The following BMP3 variants were observed in gnomAD, a reference collection of about 807,000 sequenced individuals.
The protein encoded by BMP3 is bone morphogenetic protein 3.
Under a neutral mutation model 38.1 loss-of-function variants are expected in BMP3, and 23 were observed. The observed-to-expected ratio is 0.60, with a 90% confidence interval of 0.43 to 0.86. The LOEUF (loss-of-function observed/expected upper bound fraction) is 0.86, where lower values mean the gene tolerates loss of function less well. Ranked by LOEUF, BMP3 falls within the 40% of genes least tolerant of loss-of-function variation. BMP3 has a pLI of 0.00. For missense variants in BMP3, 628 were observed against 579.6 expected (o/e 1.08, Z -0.86); for synonymous variants, 258 against 225.7 (o/e 1.14, Z -1.28).
At chr4:81,038,592 T>C (rs72868593) in intron 1 of BMP3, among the ~76,000 whole-genome samples, 7,745 of 152,284 alleles carry the variant, frequency 0.051, 262 homozygotes, top group African/African-American at 0.09. Context: ...ACTATTCTAC[T>C]TCATATACAA....
chr4:81,041,462 G>T (rs187649424), intron 1 of BMP3, among the ~76,000 whole-genome samples: 3 of 152,048 alleles, frequency 2.0e-5, no homozygotes, highest in East Asian at 3.9e-4. Flanking sequence ...TTGCTTCTTG[G>T]TTTTTTTTAA....
chr4:81,048,195 A>G (rs565029489), intron 2 of BMP3, among the ~76,000 whole-genome samples: 4 of 152,160 alleles, frequency 2.6e-5, no homozygotes, highest in Non-Finnish European at 5.9e-5. Flanking sequence ...TTACTGATCA[A>G]ACAAAGTTGT....
rs565737756 is a variant in BMP3, at chr4:81,032,263, A to G, written c.316+663A>G. On this transcript the variant is annotated intron_variant, in intron 1 of 2. Coordinates refer to ENST00000282701, the MANE Select transcript of BMP3 (RefSeq NM_001201.5). ...CGATTATTAAAACGCATCTGGGTAAACAGGGGTTGTACCATCCATCCTGGG... is the reference window on the plus strand; with the variant it reads ...CGATTATTAAAACGCATCTGGGTAAGCAGGGGTTGTACCATCCATCCTGGG... Among the ~76,000 whole-genome samples, 3 of 146,846 alleles carry G rather than the reference A, an allele frequency of 2.0e-5. 1 individual carries two copies. In the South Asian group the frequency reaches 6.6e-4, roughly 32 times the overall value.
rs748309487 is a variant in BMP3, at chr4:81,046,640, A to G, written c.1219A>G (p.Met407Val). 11 of 1,610,006 alleles carry G rather than the reference A, an allele frequency of 6.8e-6. No individual in the cohort carries two copies. Among genetic ancestry groups the G allele is most frequent in the Middle Eastern group, 1.7e-4 (1 of 6,024 alleles). ...YYCSGACQFP[M>V]PKSLKPSNHA... ...TTGCTCTGGAGCATGCCAGTTCCCC[A>G]TGCCAAAGGTAGCCATTGTTCTCTG... Residue 407 changes from methionine to valine, a missense_variant, in exon 2 of 3, where the codon ATG (methionine) becomes GTG (valine). Physicochemically the swap from Met to Val is conservative, Grantham distance 21 (BLOSUM62 1). Coordinates refer to ENST00000282701, the MANE Select transcript of BMP3 (RefSeq NM_001201.5).
At chr4:81,036,660 TA>T (rs1397215999) in intron 1 of BMP3, among the ~76,000 whole-genome samples, 5 of 152,036 alleles carry the variant, frequency 3.3e-5, no homozygotes, top group African/African-American at 4.8e-5. Flanking sequence ...ATAGAATTTG[TA>T]ATAGAAATAT....
chr4:81,031,193 A>C lies in BMP3; in HGVS notation c.-92A>C. On this transcript the variant is annotated 5_prime_UTR_variant, in exon 1 of 3. Coordinates refer to ENST00000282701, the MANE Select transcript of BMP3 (RefSeq NM_001201.5). ...TGCGCCCTCGCCCCAGCTGGTTTGGAGTTCAACCCTCGGCTCCGCCGCCGG... is the reference window on the plus strand; with the variant it reads ...TGCGCCCTCGCCCCAGCTGGTTTGGCGTTCAACCCTCGGCTCCGCCGCCGG... 3.0e-6 allele frequency: 4 copies of C among 1,351,830 alleles called. No individual in the cohort carries two copies. The highest frequency in any genetic ancestry group is 2.8e-5 in the Admixed American group (1 of 35,812). The allele number at this position is 1,351,830 out of a possible 1,614,324, so 83.7% of individuals were successfully genotyped here. A position where few individuals can be genotyped will look rare whatever the true frequency, so the allele number is the denominator to read the frequency against.
intron 1 of BMP3, among the ~76,000 whole-genome samples, chr4:81,031,872 GA>G (rs1248339788): frequency 6.6e-6 from 1 of 152,096 alleles, no homozygotes; most frequent in South Asian, 2.1e-4. Context: ...GAGCTTCGTG[GA>G]AAAAGGGAAG....
At chr4:81,043,128 T>C (rs1362204937) in intron 1 of BMP3, among the ~76,000 whole-genome samples, 1 of 152,252 alleles carries the variant, frequency 6.6e-6, no homozygotes, top group Admixed American at 6.5e-5. Flanking sequence ...TACTGAAACA[T>C]GTTTTTGATC....
At chr4:81,042,339 C>T (rs1495635) in intron 1 of BMP3, among the ~76,000 whole-genome samples, 152,150 of 152,338 alleles carry the variant, frequency 1, 75,982 homozygotes, top group Non-Finnish European at 1. Context: ...TTTCTGTGTG[C>T]TTTATGTGCC....
In BMP3 at chr4:81,030,765, A is replaced by C. The variant is rs1469787946; in HGVS notation, c.-520A>C. On this transcript the variant is annotated 5_prime_UTR_variant, in exon 1 of 3. Transcript: ENST00000282701. ...CACGCGCGCGCGCGCGCGCACACAC[A>C]CACACACGTACACTAAAAAACTCGG... Among the ~76,000 whole-genome samples, 1 of 151,636 alleles carries C rather than the reference A, an allele frequency of 6.6e-6. No homozygotes were observed. Among genetic ancestry groups the C allele is most frequent in the Non-Finnish European group, 1.5e-5 (1 of 67,880 alleles).
intron 1 of BMP3, among the ~76,000 whole-genome samples, chr4:81,035,958 C>A (rs1482730647): frequency 6.6e-6 from 1 of 151,954 alleles, no homozygotes; most frequent in Non-Finnish European, 1.5e-5. Flanking sequence ...TTTTTCATTT[C>A]CCATGCAGTA....
chr4:81,031,660 C>T (rs539661509), intron 1 of BMP3, 60 bp downstream of exon 1: 17 of 1,473,702 alleles, frequency 1.2e-5, no homozygotes, highest in Non-Finnish European at 1.3e-5. Flanking sequence ...TCCCGGGACC[C>T]CCCACAGCTT....
In BMP3 at chr4:81,054,197, T is replaced by A. The variant is rs1740484323; in HGVS notation, c.*661T>A. On this transcript the variant is annotated 3_prime_UTR_variant, in exon 3 of 3. Coordinates refer to ENST00000282701, the MANE Select transcript of BMP3 (RefSeq NM_001201.5). ...CACAGGATTCTTTATTTTTTTTAATTTTGTATTTTGGCAAACACCATTCAG... is the reference window on the plus strand; with the variant it reads ...CACAGGATTCTTTATTTTTTTTAATATTGTATTTTGGCAAACACCATTCAG... 1 of 152,596 alleles carries A rather than the reference T, an allele frequency of 6.6e-6. No individual in the cohort carries two copies. The highest frequency in any genetic ancestry group is 2.4e-5 in the African/African-American group (1 of 41,420). 9.5% of individuals were successfully genotyped at this position (152,596 alleles called of 1,614,324 possible).
rs115645770 is a variant in BMP3, at chr4:81,051,609, T to G, written c.1228-1736T>G. 9.7e-4 allele frequency among the ~76,000 whole-genome samples: 147 copies of G among 152,294 alleles called. 1 individual carries two copies. Among genetic ancestry groups the G allele is most frequent in the African/African-American group, 3.3e-3 (138 of 41,560 alleles). ...AAGTGGATGGCTGCAAAAGCTTTCT[T>G]TAGAAATTACCAATAGCAATAACAA... is the stretch of plus-strand genomic sequence containing the variant. On this transcript the variant is annotated intron_variant, in intron 2 of 2. Transcript: ENST00000282701.
At chr4:81,044,941 T>C (rs12642476) in intron 1 of BMP3, among the ~76,000 whole-genome samples, 93,918 of 152,110 alleles carry the variant, frequency 0.62, 33,979 homozygotes, top group East Asian at 0.81. Context: ...ATGTAATTAT[T>C]TGAGTGCCTG....
intron 1 of BMP3, among the ~76,000 whole-genome samples, chr4:81,039,833 C>T (rs1442248254): frequency 6.6e-6 from 1 of 152,068 alleles, no homozygotes. Flanking sequence ...TAATTTAGAG[C>T]CTTGTCTTTA....
At position 81,035,135 on chromosome 4, in the gene BMP3, A is replaced by G. The variant is rs556405091; in HGVS notation, c.316+3535A>G. Among the ~76,000 whole-genome samples, 165 of 151,084 alleles carry G rather than the reference A, an allele frequency of 1.1e-3. 1 individual carries two copies. The highest frequency in any genetic ancestry group is 1.9e-3 in the Non-Finnish European group (131 of 67,952). The stretch of plus-strand genomic sequence containing the variant: ...AATTACACACTACTCTGAATACATG[A>G]TAGCCTTTAATGAAGTTTTTACTGT... On this transcript the variant is annotated intron_variant, in intron 1 of 2. Coordinates refer to ENST00000282701, the MANE Select transcript of BMP3 (RefSeq NM_001201.5).
chr4:81,053,553 T>A lies in BMP3; in HGVS notation c.*17T>A, dbSNP rs750673028. 1 of 1,417,304 alleles carries A rather than the reference T, an allele frequency of 7.1e-7. No homozygotes were observed. Among genetic ancestry groups the A allele is most frequent in the Non-Finnish European group, 9.3e-7 (1 of 1,075,642 alleles). The allele number at this position is 1,417,304 out of a possible 1,614,324, so 87.8% of individuals were successfully genotyped here. A position where few individuals can be genotyped will look rare whatever the true frequency, so the allele number is the denominator to read the frequency against. The stretch of plus-strand genomic sequence containing the variant: ...TGCAGATAACCTGGCAAAGAACTCA[T>A]TTGAATGCTTAATTCAATCATTAGT... On this transcript the variant is annotated 3_prime_UTR_variant, in exon 3 of 3. Transcript: ENST00000282701.
At chr4:81,039,553 C>T (rs1323675409) in intron 1 of BMP3, among the ~76,000 whole-genome samples, 11 of 152,138 alleles carry the variant, frequency 7.2e-5, no homozygotes, top group Non-Finnish European at 1.6e-4. Flanking sequence ...CAGAACCCGA[C>T]TTCCTGAAAT....
Sources: gnomAD v4.1 joint callset for allele counts (sites outside exome capture counted in the v4.1 genomes callset) on GRCh38, gnomAD v4.1.1 for gene constraint, MANE v1.5 for transcripts, NCBI Gene and HGNC (gene_info 2026-07-23, HGNC 2026-07-21) for gene names.